Variants in RGS6 observed in about 807,000 individuals in gnomAD.
RGS6 encodes regulator of G protein signaling 6.
In RGS6, 30 loss-of-function variants were observed where a neutral mutation model predicts 78.5. That is an observed-to-expected ratio of 0.38 (90% CI 0.29 to 0.52). RGS6 has a LOEUF of 0.52. RGS6 is among the 20% of genes least tolerant of loss of function. The pLI, the probability that RGS6 is intolerant of heterozygous loss-of-function variation, is 0.85. For synonymous variants in RGS6, 206 were observed against 206.0 expected (o/e 1.00, Z 0.00); for missense variants, 495 against 609.7 (o/e 0.81, Z 1.98).
the RGS6 span, among the ~76,000 whole-genome samples, chr14:71,885,990 C>T: frequency 6.6e-6 from 1 of 151,618 alleles, no homozygotes; most frequent in Non-Finnish European, 1.5e-5. Flanking sequence ...CCTTCCCTTC[C>T]CCTCCATTCC....
intron 14 of RGS6, among the ~76,000 whole-genome samples, chr14:72,517,622 C>T (rs770630508): frequency 3.3e-5 from 5 of 152,334 alleles, no homozygotes; most frequent in African/African-American, 7.2e-5. Context: ...CAGATGCGTC[C>T]GTCTTCACTC....
the RGS6 span, among the ~76,000 whole-genome samples, chr14:72,625,337 C>T: frequency 4.5e-4 from 68 of 152,108 alleles, no homozygotes; most frequent in African/African-American, 1.5e-3. Context: ...CTAATAATGT[C>T]ATTATTTTTT....
At chr14:72,374,135 A>G (rs1381398533) in intron 3 of RGS6, among the ~76,000 whole-genome samples, 1 of 152,190 alleles carries the variant, frequency 6.6e-6, no homozygotes, top group Non-Finnish European at 1.5e-5. Flanking sequence ...ACATGTGCAC[A>G]ACATGCAGGT....
At chr14:72,168,697 G>T (rs1235469000) in intron 2 of RGS6, among the ~76,000 whole-genome samples, 1 of 151,968 alleles carries the variant, frequency 6.6e-6, no homozygotes, top group Non-Finnish European at 1.5e-5. Context: ...GCTTCCATTT[G>T]TGGCTCCCAT....
At chr14:72,304,403 A>G (rs1310503576) in intron 2 of RGS6, among the ~76,000 whole-genome samples, 1 of 152,220 alleles carries the variant, frequency 6.6e-6, no homozygotes, top group Non-Finnish European at 1.5e-5. Context: ...CTATAGTATG[A>G]ATAGGAACCA....
At chr14:72,629,093 G>A in the RGS6 span, among the ~76,000 whole-genome samples, 11 of 152,238 alleles carry the variant, frequency 7.2e-5, no homozygotes, top group East Asian at 9.6e-4. Flanking sequence ...TTGTACTAAG[G>A]AATTATTGAT....
intron 2 of RGS6, among the ~76,000 whole-genome samples, chr14:72,042,123 CTTTTTCT>C (rs1002544701): frequency 1.0e-4 from 13 of 124,306 alleles, no homozygotes; most frequent in African/African-American, 3.7e-4. Context: ...TTTTCTTTTT[CTTTTTCT>C]TTTTTTTTTT....
Position 72,294,676 on chromosome 14 carries a change from G to A in RGS6, c.85-57419G>A, listed in dbSNP as rs376899754. Among the ~76,000 whole-genome samples the A allele has an allele frequency of 4.9e-4, 75 of 152,260 alleles. 1 individual carries two copies. The South Asian group carries it at 0.015, about 31-fold the overall frequency. ...GAATGGTGGCTGAAGGTGAAAGGAGGAGCAGCACTTCACATGGCCAGGGCA... is the reference window on the plus strand; with the variant it reads ...GAATGGTGGCTGAAGGTGAAAGGAGAAGCAGCACTTCACATGGCCAGGGCA... On this transcript the variant is annotated intron_variant, in intron 2 of 17. Transcript: ENST00000553525.
intron 3 of RGS6, among the ~76,000 whole-genome samples, chr14:72,383,213 T>TATATATATATATATACAC (rs1387301746): frequency 1.8e-4 from 21 of 118,334 alleles, no homozygotes; most frequent in African/African-American, 6.3e-4. Context: ...TATATATATA[T>TATATATATATATATACAC]ACACACAAAC....
At chr14:72,579,023 C>A in the RGS6 span, among the ~76,000 whole-genome samples, 3 of 152,198 alleles carry the variant, frequency 2.0e-5, no homozygotes, top group Non-Finnish European at 4.4e-5. Flanking sequence ...TATCAACCGC[C>A]TGCATCAGCC....
At chr14:72,048,112 G>A (rs576815943) in intron 2 of RGS6, among the ~76,000 whole-genome samples, 38 of 151,880 alleles carry the variant, frequency 2.5e-4, no homozygotes, top group African/African-American at 2.7e-4. Flanking sequence ...GAGAGACTGC[G>A]GATTCAGACG....
intron 3 of RGS6, among the ~76,000 whole-genome samples, chr14:72,447,766 G>A (rs371819941): frequency 6.6e-6 from 1 of 152,126 alleles, no homozygotes; most frequent in South Asian, 2.1e-4. Flanking sequence ...GCAGTGGCAC[G>A]ATCTCGGCTC....
chr14:72,355,298 A>T (rs1385343772), intron 3 of RGS6, among the ~76,000 whole-genome samples: 1 of 151,216 alleles, frequency 6.6e-6, no homozygotes, highest in East Asian at 1.9e-4. Flanking sequence ...GGTTCAAGCG[A>T]TTCTCCTGTC....
rs568371068 is a variant in RGS6 at position 72,041,428 on chromosome 14, A to G, written c.84+76553A>G. ...AGGTTCTCCGGTACAGCAAGAAAACATCAAGTTCTTTTGTTCTCTGCAGCC... is the reference window on the plus strand; with the variant it reads ...AGGTTCTCCGGTACAGCAAGAAAACGTCAAGTTCTTTTGTTCTCTGCAGCC... On this transcript the variant is annotated intron_variant, in intron 2 of 17. Coordinates refer to ENST00000553525, the MANE Select transcript of RGS6 (RefSeq NM_001204424.2). 5.9e-5 allele frequency among the ~76,000 whole-genome samples: 9 copies of G among 152,360 alleles called. No individual in the cohort carries two copies. In the South Asian group the frequency reaches 1.7e-3, roughly 28 times the overall value.
chr14:71,936,041 T>TATATATATATATACAC (rs1555390355), intron 1 of RGS6, among the ~76,000 whole-genome samples: 1 of 127,710 alleles, frequency 7.8e-6, no homozygotes, highest in African/African-American at 2.8e-5. Context: ...TATATATATA[T>TATATATATATATACAC]GTACATATAT....
chr14:72,172,512 C>T (rs974280935), intron 2 of RGS6, among the ~76,000 whole-genome samples: 8 of 152,110 alleles, frequency 5.3e-5, no homozygotes, highest in East Asian at 1.9e-4. Flanking sequence ...ATTATATACA[C>T]GTATGCATCC....
intron 13 of RGS6, among the ~76,000 whole-genome samples, chr14:72,495,572 G>A (rs1459594114): frequency 6.6e-6 from 1 of 152,062 alleles, no homozygotes; most frequent in Non-Finnish European, 1.5e-5. Context: ...CTGTTAGACA[G>A]CAACAATAAT....
chr14:72,484,693 C>T (rs1249662080), intron 12 of RGS6, among the ~76,000 whole-genome samples: 1 of 152,178 alleles, frequency 6.6e-6, no homozygotes, highest in East Asian at 1.9e-4. Flanking sequence ...TCCTTCCCCT[C>T]CATGTTTATC....
intron 1 of RGS6, among the ~76,000 whole-genome samples, chr14:71,934,445 C>T (rs1355263096): frequency 6.6e-6 from 1 of 152,094 alleles, no homozygotes; most frequent in Non-Finnish European, 1.5e-5. Flanking sequence ...CAGATCTTAA[C>T]TTTACTTCTG....
Sources: allele counts gnomAD v4.1 joint callset (sites outside exome capture counted in the v4.1 genomes callset), GRCh38; gene constraint gnomAD v4.1.1; transcripts MANE v1.5; gene names NCBI Gene and HGNC (gene_info 2026-07-23, HGNC 2026-07-21).